The following PHIP variants were observed in gnomAD, a reference collection of about 807,000 sequenced individuals.
PHIP encodes PH-interacting protein.
PHIP carries 54 observed loss-of-function variants against 236.8 expected under a neutral mutation model. The observed-to-expected ratio is 0.23, with a 90% CI of 0.18 to 0.29. The LOEUF (loss-of-function observed/expected upper bound fraction) is 0.29. Ranked by LOEUF, PHIP falls within the 10% of genes least tolerant of loss-of-function variation. The probability of loss-of-function intolerance (pLI) is 1.00; values close to 1 mark genes in which losing one functional copy is unlikely to be tolerated. For synonymous variants in PHIP, 756 were observed against 718.9 expected, an observed-to-expected ratio of 1.05 and a Z score of -0.83; for missense variants, 1,370 against 2,190.8, an observed-to-expected ratio of 0.63 and a Z score of 7.48.
At chr6:79,056,310 C>T (rs538774196) in intron 6 of PHIP, among the ~76,000 whole-genome samples, 2 of 152,054 alleles carry the variant, frequency 1.3e-5, no homozygotes, top group African/African-American at 4.8e-5. Context: ...TGTGAGGAGA[C>T]AAAAGGATGA....
intron 39 of PHIP, among the ~76,000 whole-genome samples, chr6:78,942,652 A>C (rs1773565872): frequency 6.6e-6 from 1 of 152,176 alleles, no homozygotes; most frequent in Admixed American, 6.5e-5. Context: ...AAAGTAGTTA[A>C]GTATTTCCTA....
At chr6:78,997,286 T>A in intron 19 of PHIP, 128 bp downstream of exon 19, 1 of 641,912 alleles carries the variant, frequency 1.6e-6, no homozygotes, top group Non-Finnish European at 2.7e-6. Flanking sequence ...CAGTCATGAA[T>A]AGTTTATACT....
chr6:79,019,086 T>C lies in PHIP; in HGVS notation c.994+3A>G. 2 of 1,607,230 alleles carry C rather than the reference T, an allele frequency of 1.2e-6. No individual in the cohort carries two copies. Among genetic ancestry groups the C allele is most frequent in the Non-Finnish European group, 1.7e-6 (2 of 1,173,970 alleles). Reference sequence around the variant, plus strand: ...GTCGAAAATTAGAATGAGGGAAACTTACCAGCACTAAAAGAAGAACAGATC... The same window carrying C: ...GTCGAAAATTAGAATGAGGGAAACTCACCAGCACTAAAAGAAGAACAGATC... On this transcript the variant is annotated splice_donor_region_variant and intron_variant, in intron 10 of 39. Coordinates refer to ENST00000275034, the MANE Select transcript of PHIP (RefSeq NM_017934.7).
intron 7 of PHIP, among the ~76,000 whole-genome samples, chr6:79,031,102 C>T (rs1771654763): frequency 6.6e-6 from 1 of 152,114 alleles, no homozygotes; most frequent in Non-Finnish European, 1.5e-5. Flanking sequence ...CGCCACCACA[C>T]CCAGCTAATT....
At chr6:78,960,023 C>T (rs958004888) in intron 31 of PHIP, among the ~76,000 whole-genome samples, 13 of 152,230 alleles carry the variant, frequency 8.5e-5, no homozygotes, top group Admixed American at 4.6e-4. Context: ...CTCATGATCA[C>T]GTGGCTGACT....
At chr6:79,066,051 T>C (rs1318849905) in intron 4 of PHIP, among the ~76,000 whole-genome samples, 2 of 151,946 alleles carry the variant, frequency 1.3e-5, no homozygotes, top group African/African-American at 2.4e-5. Flanking sequence ...TAAAATAATA[T>C]AATAATAAAA....
At chr6:78,983,358 G>A (rs1768666608) in intron 22 of PHIP, among the ~76,000 whole-genome samples, 1 of 151,938 alleles carries the variant, frequency 6.6e-6, no homozygotes, top group African/African-American at 2.4e-5. Flanking sequence ...AACTTTAAGT[G>A]AAAAAACAAA....
chr6:79,015,037 C>G (rs747926641), intron 15 of PHIP, 45 bp downstream of exon 15: 10 of 1,535,480 alleles, frequency 6.5e-6, no homozygotes, highest in Non-Finnish European at 9.0e-6. Flanking sequence ...TGTCAAAAAG[C>G]TCCCAAATCT....
intron 27 of PHIP, among the ~76,000 whole-genome samples, chr6:78,966,526 T>C (rs1767144844): frequency 6.6e-6 from 1 of 152,170 alleles, no homozygotes; most frequent in African/African-American, 2.4e-5. Flanking sequence ...CCAACCTGTC[T>C]TCCTTCATCT....
chr6:79,065,818 AAT>A (rs1773596002), intron 4 of PHIP, among the ~76,000 whole-genome samples: 1 of 151,522 alleles, frequency 6.6e-6, no homozygotes, highest in African/African-American at 2.4e-5. Flanking sequence ...AATAAACAAA[AAT>A]ATTTTTTAAA....
chr6:78,997,935 G>C (rs1302386051), intron 18 of PHIP, among the ~76,000 whole-genome samples: 1 of 152,092 alleles, frequency 6.6e-6, no homozygotes, highest in East Asian at 1.9e-4. Context: ...TCATAAATTT[G>C]TTTTGACTCT....
intron 34 of PHIP, 37 bp from the exon 35 acceptor site, chr6:78,955,000 C>G (rs1283340053): frequency 7.0e-7 from 1 of 1,418,948 alleles, no homozygotes; most frequent in South Asian, 1.4e-5. Context: ...AATAAAAGAG[C>G]ACTTACACAA....
chr6:79,019,166 TACA>T lies in PHIP; in HGVS notation c.924-10_924-8del. The T allele has an allele frequency of 6.3e-7, 1 of 1,599,720 alleles. No homozygotes were observed. Among genetic ancestry groups the T allele is most frequent in the Non-Finnish European group, 8.6e-7 (1 of 1,168,006 alleles). The stretch of plus-strand genomic sequence containing the variant: ...AAATTTTGCAGGTCTTGGGCTGTAA[TACA>T]AAAAATAAAGAATTAAAAATATCCT... On this transcript the variant is annotated splice_region_variant and splice_polypyrimidine_tract_variant and intron_variant, in intron 9 of 39. Transcript: ENST00000275034.
rs567684136 is a variant in PHIP, at chr6:78,997,575, C to G, written c.2040G>C (p.Glu680Asp). 4.3e-5 allele frequency: 70 copies of G among 1,613,498 alleles called. 1 individual carries two copies. In the South Asian group the frequency reaches 5.9e-4, roughly 14 times the overall value. Residue 680 changes from glutamate to aspartate, a missense_variant, in exon 19 of 40, where the codon GAG becomes GAC. Physicochemically the swap from Glu to Asp is conservative, Grantham distance 45. Coordinates refer to ENST00000275034, the MANE Select transcript of PHIP (RefSeq NM_017934.7). ...GTCCTACGTTTGGTGGTGAATGAAC[C>G]TCTGAGGTAGAACTTATGGAGCCTA... ...LSRGSISSTS[E>D]VHSPPNVGLR...
intron 24 of PHIP, among the ~76,000 whole-genome samples, chr6:78,975,289 T>G (rs1191902969): frequency 1.3e-5 from 2 of 152,104 alleles, no homozygotes; most frequent in South Asian, 4.1e-4. Flanking sequence ...ATTATCTCAA[T>G]AGATGCAGAA....
At chr6:79,054,927 T>C (rs1772997379) in intron 6 of PHIP, among the ~76,000 whole-genome samples, 1 of 150,078 alleles carries the variant, frequency 6.7e-6, no homozygotes, top group Admixed American at 6.7e-5. Context: ...ATTATAAATG[T>C]AGACAAGATT....
Position 78,963,194 on chromosome 6 carries a change from T to G in PHIP, c.3438A>C (p.Ser1146=), listed in dbSNP as rs1766903318. The G allele has an allele frequency of 5.0e-6, 8 of 1,610,306 alleles. No homozygotes were observed. The highest frequency in any genetic ancestry group is 2.2e-5 in the East Asian group (1 of 44,650). ...CTCCATCAAGAGGTTTATAGATTAGTGATCTGCACTCACCATCAGTTAAAG... is the reference window on the plus strand; with the variant it reads ...CTCCATCAAGAGGTTTATAGATTAGGGATCTGCACTCACCATCAGTTAAAG... ...SVPLTDGECR[S]LIYKPLDGEW... Residue 1146 remains serine, a synonymous_variant, in exon 30 of 40, where the codon TCA becomes TCC. Coordinates refer to ENST00000275034, the MANE Select transcript of PHIP (RefSeq NM_017934.7).
At chr6:79,057,721 G>A (rs558366637) in intron 6 of PHIP, among the ~76,000 whole-genome samples, 90 of 152,102 alleles carry the variant, frequency 5.9e-4, no homozygotes, top group Non-Finnish European at 1.1e-3. Context: ...AAATGGCAAA[G>A]ACTCAACAAA....
intron 9 of PHIP, among the ~76,000 whole-genome samples, chr6:79,020,133 G>A (rs939291352): frequency 1.3e-5 from 2 of 151,766 alleles, no homozygotes; most frequent in African/African-American, 4.8e-5. Context: ...CTGAGCTATA[G>A]GTTGGTGCAA....
Sources: allele counts gnomAD v4.1 joint callset (sites outside exome capture counted in the v4.1 genomes callset), GRCh38; gene constraint gnomAD v4.1.1; transcripts MANE v1.5; gene names NCBI Gene and HGNC (gene_info 2026-07-23, HGNC 2026-07-21).